TMEM135: variants seen among roughly 807,000 people sequenced by gnomAD.
The protein encoded by TMEM135 is transmembrane protein 135, also known as peroxisomal membrane protein 52.
TMEM135 carries 30 observed loss-of-function variants against 60.3 expected under a neutral mutation model. That is an observed-to-expected ratio of 0.50 (90% confidence interval 0.37 to 0.68). TMEM135 has a LOEUF of 0.68. TMEM135 is among the 30% of genes least tolerant of loss of function. TMEM135 has a pLI of 0.00. For missense variants in TMEM135, 468 were observed against 548.8 expected, an observed-to-expected ratio of 0.85 and a Z score of 1.47; for synonymous variants, 190 against 186.7, an observed-to-expected ratio of 1.02 and a Z score of -0.14.
chr11:87,185,631 A>G (rs534892945), intron 5 of TMEM135, among the ~76,000 whole-genome samples: 4 of 152,128 alleles, frequency 2.6e-5, no homozygotes, highest in African/African-American at 9.7e-5. Context: ...ACGATTACCT[A>G]TCATTACTTG....
chr11:87,151,194 G>A (rs1303091169), intron 4 of TMEM135, among the ~76,000 whole-genome samples: 1 of 152,044 alleles, frequency 6.6e-6, no homozygotes, highest in African/African-American at 2.4e-5. Flanking sequence ...TCATATCCTT[G>A]TATTGAGAAA....
chr11:87,311,107 C>CTA (rs10572803), intron 10 of TMEM135, among the ~76,000 whole-genome samples: 113 of 148,564 alleles, frequency 7.6e-4, no homozygotes, highest in East Asian at 2.4e-3. Flanking sequence ...ATATATATGT[C>CTA]TATATATATA....
chr11:87,125,431 G>A (rs1351536810), intron 4 of TMEM135, among the ~76,000 whole-genome samples: 1 of 152,158 alleles, frequency 6.6e-6, no homozygotes, highest in Non-Finnish European at 1.5e-5. Flanking sequence ...TCCGAATGAT[G>A]TAAAGGAGCT....
chr11:87,172,117 T>C (rs1939253476), intron 5 of TMEM135, among the ~76,000 whole-genome samples: 4 of 152,156 alleles, frequency 2.6e-5, no homozygotes, highest in Non-Finnish European at 5.9e-5. Flanking sequence ...CCCATAGAGC[T>C]CTTCAAAACT....
intron 6 of TMEM135, among the ~76,000 whole-genome samples, chr11:87,276,484 A>G (rs555031224): frequency 2.5e-4 from 38 of 151,276 alleles, no homozygotes; most frequent in African/African-American, 8.5e-4. Flanking sequence ...TTGTTACTCT[A>G]GTACATTACT....
At chr11:87,237,141 T>C (rs2135374373) in intron 6 of TMEM135, among the ~76,000 whole-genome samples, 1 of 152,106 alleles carries the variant, frequency 6.6e-6, no homozygotes, top group African/African-American at 2.4e-5. Flanking sequence ...AAATATTGTT[T>C]GTTATAATGT....
At chr11:87,157,281 T>G in intron 4 of TMEM135, 60 bp from the exon 5 acceptor site, 1 of 1,462,478 alleles carries the variant, frequency 6.8e-7, no homozygotes, top group East Asian at 2.3e-5. Flanking sequence ...GTGTGGGATA[T>G]ACAATTGAGG....
intron 4 of TMEM135, among the ~76,000 whole-genome samples, chr11:87,100,364 A>G (rs1286342326): frequency 6.6e-6 from 1 of 152,202 alleles, no homozygotes; most frequent in East Asian, 1.9e-4. Context: ...AACTTTTACT[A>G]CATGAAGAGG....
intron 4 of TMEM135, among the ~76,000 whole-genome samples, chr11:87,107,779 A>G (rs745681538): frequency 6.6e-6 from 1 of 152,050 alleles, no homozygotes; most frequent in Non-Finnish European, 1.5e-5. Flanking sequence ...GTATATACCC[A>G]TATGGGATTG....
intron 6 of TMEM135, among the ~76,000 whole-genome samples, chr11:87,253,588 C>T (rs1349761291): frequency 3.0e-5 from 2 of 67,114 alleles, no homozygotes; most frequent in African/African-American, 5.7e-5. Context: ...GATACAGTAG[C>T]CTCTTTGTCA....
In TMEM135 at chr11:87,138,064, TG is replaced by T. The variant is rs1339450812; in HGVS notation, c.397-19276del. Reference sequence around the variant, plus strand: ...ATGAAAACAGGTTAGACATTTATGATGTTTAAAAAGACCAAGTTGATTTCTT... The same window carrying T: ...ATGAAAACAGGTTAGACATTTATGATTTTAAAAAGACCAAGTTGATTTCTT... On this transcript the variant is annotated intron_variant, in intron 4 of 14. Transcript: ENST00000305494. Among the ~76,000 whole-genome samples the T allele has an allele frequency of 1.1e-4, 16 of 151,540 alleles. 1 individual carries two copies. The highest frequency in any genetic ancestry group is 2.9e-5 in the Non-Finnish European group (2 of 67,942).
At chr11:87,134,052 A>G (rs1591045315) in intron 4 of TMEM135, among the ~76,000 whole-genome samples, 1 of 151,512 alleles carries the variant, frequency 6.6e-6, no homozygotes, top group African/African-American at 2.4e-5. Context: ...TGGTTATATT[A>G]GTTTTCTAGG....
chr11:87,281,457 C>G (rs962808072), intron 6 of TMEM135, among the ~76,000 whole-genome samples: 4 of 151,856 alleles, frequency 2.6e-5, no homozygotes, highest in Non-Finnish European at 5.9e-5. Flanking sequence ...ATTTCTGAAA[C>G]CAGTACCAGA....
At chr11:87,236,594 T>C (rs768371673) in intron 5 of TMEM135, 44 bp from the exon 6 acceptor site, 2 of 1,567,746 alleles carry the variant, frequency 1.3e-6, no homozygotes, top group Middle Eastern at 1.7e-4. Flanking sequence ...CAAATGGTGA[T>C]GTCAGTGTTC....
chr11:87,166,226 T>C (rs993313089), intron 5 of TMEM135, among the ~76,000 whole-genome samples: 2 of 151,832 alleles, frequency 1.3e-5, no homozygotes, highest in Non-Finnish European at 2.9e-5. Flanking sequence ...GATGGATAGA[T>C]TGTAGAAATT....
At chr11:87,267,015 GGTGGTA>G (rs1941762894) in intron 6 of TMEM135, among the ~76,000 whole-genome samples, 1 of 152,142 alleles carries the variant, frequency 6.6e-6, no homozygotes, top group African/African-American at 2.4e-5. Flanking sequence ...AGGAGCTTAA[GGTGGTA>G]GAGTGTTTCC....
chr11:87,151,254 T>A (rs773342817), intron 4 of TMEM135, among the ~76,000 whole-genome samples: 2 of 152,168 alleles, frequency 1.3e-5, no homozygotes, highest in Non-Finnish European at 2.9e-5. Flanking sequence ...GTTTTTCTGT[T>A]TGAATTCCTG....
chr11:87,304,717 A>G (rs11826121), intron 8 of TMEM135, among the ~76,000 whole-genome samples: 5,475 of 152,282 alleles, frequency 0.036, 93 homozygotes, highest in Admixed American at 0.046. Flanking sequence ...GGATTGGAGA[A>G]GTGCAGAGCC....
intron 5 of TMEM135, among the ~76,000 whole-genome samples, chr11:87,172,884 G>A (rs1467393724): frequency 6.6e-6 from 1 of 151,554 alleles, no homozygotes; most frequent in Non-Finnish European, 1.5e-5. Flanking sequence ...AATATTTAAA[G>A]AATACAATTT....
Sources: allele counts gnomAD v4.1 joint callset (sites outside exome capture counted in the v4.1 genomes callset), GRCh38; gene constraint gnomAD v4.1.1; transcripts MANE v1.5; gene names NCBI Gene and HGNC (gene_info 2026-07-23, HGNC 2026-07-21).